Variants in PCDHGA2 observed in about 807,000 individuals in gnomAD.
PCDHGA2 encodes the protein protocadherin gamma-A2.
In PCDHGA2, 40 loss-of-function variants were observed where a neutral mutation model predicts 59.2. That is an observed-to-expected ratio of 0.68 (90% confidence interval 0.52 to 0.88). The LOEUF (loss-of-function observed/expected upper bound fraction) is 0.88, where lower values mean the gene tolerates loss of function less well. PCDHGA2 is among the 40% of genes least tolerant of loss of function. The pLI is 0.00. For missense variants in PCDHGA2, 1,226 were observed against 1,204.0 expected, an observed-to-expected ratio of 1.02 and a Z score of -0.27; for synonymous variants, 560 against 526.0, an observed-to-expected ratio of 1.06 and a Z score of -0.89.
chr5:141,510,568 G>C (rs2099881703), intron 3 of PCDHGA2, among the ~76,000 whole-genome samples: 1 of 152,100 alleles, frequency 6.6e-6, no homozygotes, highest in Non-Finnish European at 1.5e-5. Context: ...CATCTACCAG[G>C]CACTATTTTA....
rs1311219092 is a variant in PCDHGA2 at position 141,372,180 on chromosome 5, G to A, written c.2424+30785G>A. 1 of 1,613,652 alleles carries A rather than the reference G, an allele frequency of 6.2e-7. No homozygotes were observed. On this transcript the variant is annotated intron_variant, in intron 1 of 3. Transcript: ENST00000394576. ...GGTGACCAAGGTGGTGGCGGTGGAC[G>A]CAGACTCGGGATACAACGCCTGGCT...
intron 1 of PCDHGA2, chr5:141,408,797 C>A (rs965305130): frequency 6.2e-7 from 1 of 1,612,958 alleles, no homozygotes; most frequent in African/African-American, 1.3e-5. Context: ...TCTGGAGAAA[C>A]TCCTAGACCG....
At chr5:141,421,678 G>T in intron 1 of PCDHGA2, 3 of 1,613,892 alleles carry the variant, frequency 1.9e-6, no homozygotes, top group Non-Finnish European at 2.5e-6. Context: ...AATTCCTGGG[G>T]CGCGATTTGC....
At position 141,477,160 on chromosome 5, in the gene PCDHGA2, C is replaced by G. The variant is rs768436526; in HGVS notation, c.2425-17647C>G. 2 of 1,614,186 alleles carry G rather than the reference C, an allele frequency of 1.2e-6. No homozygotes were observed. Among genetic ancestry groups the G allele is most frequent in the Admixed American group, 1.7e-5 (1 of 60,020 alleles). On this transcript the variant is annotated intron_variant, in intron 1 of 3. Transcript: ENST00000394576. The surrounding 1 kb of genome is among the most constrained non-coding windows in gnomAD (Gnocchi z 4.9). ...TGGAGGTTGTGGATGTGAATGACAA[C>G]GCCCCGGAGATCACAGTCACCTCCG...
intron 1 of PCDHGA2, among the ~76,000 whole-genome samples, chr5:141,368,562 A>G (rs1765727979): frequency 6.6e-6 from 1 of 152,144 alleles, no homozygotes; most frequent in African/African-American, 2.4e-5. Flanking sequence ...AGAAAATGTT[A>G]TATGCTTCTT....
At position 141,486,370 on chromosome 5, in the gene PCDHGA2, T is replaced by C. The variant is rs755925357; in HGVS notation, c.2425-8437T>C. Reference sequence around the variant, plus strand: ...ACCACTTGCCATTTGCCCTCAAGTCTGCCTTCAGGAACCAGTTCTCCCTGG... The same window carrying C: ...ACCACTTGCCATTTGCCCTCAAGTCCGCCTTCAGGAACCAGTTCTCCCTGG... On this transcript the variant is annotated intron_variant, in intron 1 of 3. Coordinates refer to ENST00000394576, the MANE Select transcript of PCDHGA2 (RefSeq NM_018915.4). The surrounding 1 kb of genome is among the most constrained non-coding windows in gnomAD (Gnocchi z 5.0). 8 of 1,613,988 alleles carry C rather than the reference T, an allele frequency of 5.0e-6. No individual in the cohort carries two copies. The Admixed American group carries it at 1.3e-4, about 27-fold the overall frequency.
chr5:141,350,333 G>A (rs768228050), intron 1 of PCDHGA2: 15 of 1,537,750 alleles, frequency 9.8e-6, no homozygotes, highest in Non-Finnish European at 1.2e-5. Flanking sequence ...TTTGTTCTGC[G>A]GGGCCATCTC....
chr5:141,460,624 T>TA (rs1464862917), intron 1 of PCDHGA2, among the ~76,000 whole-genome samples: 2 of 152,128 alleles, frequency 1.3e-5, no homozygotes, highest in African/African-American at 4.8e-5. Context: ...GATAGACAGA[T>TA]ACAGATATAT....
intron 1 of PCDHGA2, chr5:141,387,764 A>T: frequency 7.0e-7 from 1 of 1,430,464 alleles, no homozygotes; most frequent in Non-Finnish European, 9.3e-7. Context: ...AAAAAGAAGA[A>T]TTTTTTCTTG....
Position 141,511,334 on chromosome 5 carries a change from C to A in PCDHGA2, c.*161C>A. 7.0e-7 allele frequency: 1 copy of A among 1,438,700 alleles called. No homozygotes were observed. Among genetic ancestry groups the A allele is most frequent in the Non-Finnish European group, 9.2e-7 (1 of 1,083,314 alleles). 89.1% of individuals were successfully genotyped at this position (1,438,700 alleles called of 1,614,324 possible). On this transcript the variant is annotated 3_prime_UTR_variant, in exon 4 of 4. Coordinates refer to ENST00000394576, the MANE Select transcript of PCDHGA2 (RefSeq NM_018915.4). ...GAAACAGAAACAAGTGCCCAGTCAG[C>A]ACCTACCCCTTCCCCCCCAGGGGGT...
intron 1 of PCDHGA2, chr5:141,372,254 C>G: frequency 6.2e-7 from 1 of 1,613,086 alleles, no homozygotes; most frequent in Non-Finnish European, 8.5e-7. Context: ...TCAGCCTGGG[C>G]CTGCGCACGG....
chr5:141,409,452 A>T, intron 1 of PCDHGA2: 1 of 1,613,990 alleles, frequency 6.2e-7, no homozygotes, highest in Non-Finnish European at 8.5e-7. Context: ...CAGACACCAG[A>T]ATACAATGTC....
At chr5:141,412,980 A>G (rs2095595071) in intron 1 of PCDHGA2, 2 of 543,674 alleles carry the variant, frequency 3.7e-6, no homozygotes, top group Non-Finnish European at 6.3e-6. Flanking sequence ...AAACGCAGCC[A>G]GAGCTCAATC....
chr5:141,419,067 A>C (rs2096321794), intron 1 of PCDHGA2: 2 of 1,613,956 alleles, frequency 1.2e-6, no homozygotes, highest in African/African-American at 1.3e-5. Flanking sequence ...AATTACTACA[A>C]GCTAGTAACA....
chr5:141,409,409 A>C, intron 1 of PCDHGA2: 4 of 1,614,046 alleles, frequency 2.5e-6, no homozygotes, highest in Non-Finnish European at 3.4e-6. Flanking sequence ...TAACTACTAC[A>C]AACTGGTGAC....
At position 141,505,451 on chromosome 5, in the gene PCDHGA2, C is replaced by T. The variant is rs1350424069; in HGVS notation, c.2542C>T (p.Leu848=). Residue 848 remains leucine (L), a synonymous_variant, in exon 3 of 4, where the codon CTG becomes TTG. Transcript: ENST00000394576. The part of the protein sequence containing the change: ...WPNNQFDTEM[L]QAMILASASE... ...CAACAACCAGTTTGACACAGAGATG[C>T]TGCAAGCCATGATCTTGGCGTCCGC... The T allele has an allele frequency of 1.2e-6, 2 of 1,614,222 alleles. No individual in the cohort carries two copies. The highest frequency in any genetic ancestry group is 1.7e-6 in the Non-Finnish European group (2 of 1,180,048).
intron 1 of PCDHGA2, chr5:141,389,438 C>T (rs781427097): frequency 6.2e-7 from 1 of 1,610,592 alleles, no homozygotes; most frequent in South Asian, 1.1e-5. Flanking sequence ...AGCGCGCCTT[C>T]GACCACGAGC....
At chr5:141,452,380 G>A (rs1003689226) in intron 1 of PCDHGA2, among the ~76,000 whole-genome samples, 2 of 152,192 alleles carry the variant, frequency 1.3e-5, no homozygotes, top group Admixed American at 1.3e-4. Context: ...GTAGGGAATA[G>A]TATTTAGAAA....
intron 1 of PCDHGA2, chr5:141,365,066 G>A (rs1763717164): frequency 2.5e-6 from 4 of 1,613,774 alleles, no homozygotes; most frequent in African/African-American, 1.3e-5. Flanking sequence ...CACCCCATCC[G>A]AGTACAGCGT....
Sources: allele counts gnomAD v4.1 joint callset (sites outside exome capture counted in the v4.1 genomes callset), GRCh38; gene constraint gnomAD v4.1.1; non-coding constraint Gnocchi (gnomAD v3.1); transcripts MANE v1.5; gene names NCBI Gene and HGNC (gene_info 2026-07-23, HGNC 2026-07-21).